The following CCDC34 variants were observed in gnomAD, a reference collection of about 807,000 sequenced individuals.
The protein encoded by CCDC34 is coiled-coil domain-containing protein 34.
In CCDC34, 40 loss-of-function variants were observed where a neutral mutation model predicts 44.1. That is an observed-to-expected ratio of 0.91 (90% CI 0.70 to 1.18). The LOEUF is 1.18. CCDC34 is among the 50% of genes most tolerant of loss of function. CCDC34 has a pLI of 0.00. For missense variants in CCDC34, 466 were observed against 452.3 expected (o/e 1.03, Z -0.28); for synonymous variants, 159 against 158.2 (o/e 1.01, Z -0.04).
rs1476633395 is a variant in CCDC34 at position 27,352,994 on chromosome 11, G to T, written c.499-2555C>A. Reference sequence around the variant, plus strand: ...AAAGGCCAGTCTCCTTCAGGACACAGCTGGAGTCTTCCTTCGAAAGGCCCC... The same window carrying T: ...AAAGGCCAGTCTCCTTCAGGACACATCTGGAGTCTTCCTTCGAAAGGCCCC... On this transcript the variant is annotated intron_variant, in intron 2 of 5. Coordinates refer to ENST00000328697, the MANE Select transcript of CCDC34 (RefSeq NM_030771.2). Among the ~76,000 whole-genome samples the T allele has an allele frequency of 4.6e-5, 7 of 152,184 alleles. No homozygotes were observed. The East Asian group carries it at 1.3e-3, about 29-fold the overall frequency.
chr11:27,344,832 A>C (rs969266654), intron 3 of CCDC34, among the ~76,000 whole-genome samples: 1 of 152,132 alleles, frequency 6.6e-6, no homozygotes, highest in African/African-American at 2.4e-5. Context: ...TTATTAGGGA[A>C]ATTGATAAGA....
At chr11:27,350,126 C>T in intron 3 of CCDC34, 1 of 1,433,896 alleles carries the variant, frequency 7.0e-7, no homozygotes, top group Non-Finnish European at 9.1e-7. Context: ...TTAGTGCAAG[C>T]CACAGGAGGG....
At position 27,347,924 on chromosome 11, in the gene CCDC34, C is replaced by A. The variant is rs372493624; in HGVS notation, c.606+2408G>T. Among the ~76,000 whole-genome samples the A allele has an allele frequency of 2.0e-5, 3 of 152,108 alleles. No individual in the cohort carries two copies. The East Asian group carries it at 5.8e-4, about 29-fold the overall frequency. On this transcript the variant is annotated intron_variant, in intron 3 of 5. Transcript: ENST00000328697. ...TAATTCTGAAAAAAAATCAGACAGA[C>A]TTCTGTAGGATTTAAACTAAAGAAG...
At chr11:27,359,792 G>C (rs1409833755) in intron 1 of CCDC34, among the ~76,000 whole-genome samples, 1 of 152,190 alleles carries the variant, frequency 6.6e-6, no homozygotes, top group African/African-American at 2.4e-5. Flanking sequence ...TATAGTTCCA[G>C]GCACTCAGTA....
intron 1 of CCDC34, among the ~76,000 whole-genome samples, chr11:27,359,619 G>C (rs1050329896): frequency 6.6e-6 from 1 of 151,940 alleles, no homozygotes; most frequent in African/African-American, 2.4e-5. Context: ...CTCCCGAGTA[G>C]CTGAGATTAG....
At position 27,363,086 on chromosome 11, in the gene CCDC34, T is replaced by C. The variant is rs750493979; in HGVS notation, c.109A>G (p.Met37Val). Reference sequence around the variant, plus strand: ...AGCCCCTGCCCACGTGCGCCCGTCATAGGGACTGAGCAGGAGTCCGAGGAG... The same window carrying C: ...AGCCCCTGCCCACGTGCGCCCGTCACAGGGACTGAGCAGGAGTCCGAGGAG... ...RPSSDSCSVPMTGARGQGLEV... is the reference protein window; with the variant it reads ...RPSSDSCSVPVTGARGQGLEV... The change falls in exon 1 of 6, where the codon ATG becomes GTG. Residue 37 changes from methionine to valine, a missense_variant. Coordinates refer to ENST00000328697, the MANE Select transcript of CCDC34 (RefSeq NM_030771.2). 6.8e-6 allele frequency: 11 copies of C among 1,610,868 alleles called. No individual in the cohort carries two copies. The highest frequency in any genetic ancestry group is 6.6e-5 in the South Asian group (6 of 90,740).
At position 27,341,451 on chromosome 11, in the gene CCDC34, ATTTTTCTTTTGCT is replaced by A; in HGVS notation, c.693_705del (p.Lys231AsnfsTer6). On this transcript the variant is annotated frameshift_variant, in exon 4 of 6. Coordinates refer to ENST00000328697, the MANE Select transcript of CCDC34 (RefSeq NM_030771.2). LOFTEE classifies it high-confidence loss of function. ...TTTTTTTTCTTTAACCATTCTTGATATTTTTCTTTTGCTTTTTCTTGCAAGTATTCTTTCTCCA... is the reference window on the plus strand; with the variant it reads ...TTTTTTTTCTTTAACCATTCTTGATATTTTCTTGCAAGTATTCTTTCTCCA... 1 of 1,457,790 alleles carries A rather than the reference ATTTTTCTTTTGCT, an allele frequency of 6.9e-7. No homozygotes were observed. Among genetic ancestry groups the A allele is most frequent in the Non-Finnish European group, 9.3e-7 (1 of 1,079,186 alleles). The allele number at this position is 1,457,790 out of a possible 1,614,324, so 90.3% of individuals were successfully genotyped here. A position where few individuals can be genotyped will look rare whatever the true frequency, so the allele number is the denominator to read the frequency against.
intron 3 of CCDC34, among the ~76,000 whole-genome samples, chr11:27,348,634 G>T (rs1397519341): frequency 1.3e-5 from 2 of 152,052 alleles, no homozygotes; most frequent in Non-Finnish European, 2.9e-5. Flanking sequence ...CACAGATACA[G>T]CTAAAATGTG....
Position 27,357,458 on chromosome 11 carries a change from C to G in CCDC34, c.443G>C (p.Trp148Ser). The change falls in exon 2 of 6, where the codon TGG (tryptophan) becomes TCG (serine). Residue 148 changes from tryptophan (W) to serine (S), a missense_variant. Coordinates refer to ENST00000328697, the MANE Select transcript of CCDC34 (RefSeq NM_030771.2). Reference sequence around the variant, plus strand: ...TTCTTCTTTTTCTTTGCCAATAAACCACACCTCCCATGGTGTCAGGCGGCT... The same window carrying G: ...TTCTTCTTTTTCTTTGCCAATAAACGACACCTCCCATGGTGTCAGGCGGCT... ...PESRLTPWEV[W>S]FIGKEKEERD... The G allele has an allele frequency of 6.2e-7, 1 of 1,613,878 alleles. No homozygotes were observed. Among genetic ancestry groups the G allele is most frequent in the Non-Finnish European group, 8.5e-7 (1 of 1,179,874 alleles).
At chr11:27,345,935 T>C (rs1862426309) in intron 3 of CCDC34, among the ~76,000 whole-genome samples, 1 of 152,040 alleles carries the variant, frequency 6.6e-6, no homozygotes, top group South Asian at 2.1e-4. Flanking sequence ...CTCCACATCC[T>C]CTCCAGCACC....
chr11:27,343,169 G>A (rs1862384952), intron 3 of CCDC34, among the ~76,000 whole-genome samples: 1 of 152,174 alleles, frequency 6.6e-6, no homozygotes, highest in Non-Finnish European at 1.5e-5. Context: ...GCGGGGCCAA[G>A]GCAGGTGGAT....
intron 3 of CCDC34, among the ~76,000 whole-genome samples, chr11:27,343,453 G>A (rs1272221997): frequency 1.3e-5 from 2 of 151,456 alleles, no homozygotes; most frequent in East Asian, 3.9e-4. Flanking sequence ...TTGTATCAAA[G>A]TTGCTGTATT....
intron 2 of CCDC34, among the ~76,000 whole-genome samples, chr11:27,354,795 G>C (rs536982922): frequency 6.6e-6 from 1 of 150,752 alleles, no homozygotes; most frequent in South Asian, 2.1e-4. Context: ...GGAGGTCAAA[G>C]CTGCAGTGAG....
At chr11:27,340,860 ATT>A (rs747959126) in intron 4 of CCDC34, 23 bp from the exon 5 acceptor site, 1 of 1,605,338 alleles carries the variant, frequency 6.2e-7, no homozygotes, top group South Asian at 1.1e-5. Flanking sequence ...AGACCAAAAT[ATT>A]TCCAGGGATA....
chr11:27,340,154 T>C lies in CCDC34; in HGVS notation c.907+542A>G, dbSNP rs532460234. On this transcript the variant is annotated intron_variant, in intron 5 of 5. Transcript: ENST00000328697. ...AGAATGGGAGTATTTTAATAATAAATCACTTAAACAAGTGAAGGCAGCTGT... is the reference window on the plus strand; with the variant it reads ...AGAATGGGAGTATTTTAATAATAAACCACTTAAACAAGTGAAGGCAGCTGT... 2.6e-5 allele frequency among the ~76,000 whole-genome samples: 4 copies of C among 152,304 alleles called. No homozygotes were observed. The South Asian group carries it at 8.3e-4, about 32-fold the overall frequency.
intron 1 of CCDC34, among the ~76,000 whole-genome samples, chr11:27,360,154 C>T (rs1407408882): frequency 6.6e-6 from 1 of 152,162 alleles, no homozygotes; most frequent in East Asian, 1.9e-4. Context: ...TCAAGAAAGG[C>T]TTGACAAGTG....
chr11:27,361,366 G>A (rs1369619386), intron 1 of CCDC34, among the ~76,000 whole-genome samples: 1 of 152,214 alleles, frequency 6.6e-6, no homozygotes, highest in African/African-American at 2.4e-5. Flanking sequence ...CATTTATTCC[G>A]CAGGTCACTA....
intron 3 of CCDC34, among the ~76,000 whole-genome samples, chr11:27,342,472 A>G (rs1012613701): frequency 9.9e-5 from 15 of 151,812 alleles, no homozygotes; most frequent in Non-Finnish European, 2.1e-4. Context: ...GAATTAAGAG[A>G]GGAGAAGTGA....
At chr11:27,349,801 C>T (rs2133344000) in intron 3 of CCDC34, 1 of 952,626 alleles carries the variant, frequency 1.0e-6, no homozygotes, top group Non-Finnish European at 1.3e-6. Flanking sequence ...GCAAAAATCC[C>T]TGCCCTTATG....
Sources: allele counts gnomAD v4.1 joint callset (sites outside exome capture counted in the v4.1 genomes callset), GRCh38; gene constraint gnomAD v4.1.1; transcripts MANE v1.5; gene names NCBI Gene and HGNC (gene_info 2026-07-23, HGNC 2026-07-21).